The following SPAG16 variants were observed in gnomAD, a reference collection of about 807,000 sequenced individuals.
The protein encoded by SPAG16 is sperm associated antigen 16.
In SPAG16, 86 loss-of-function variants were observed where a neutral mutation model predicts 80.4. The ratio of observed to expected loss-of-function variants is 1.07; its 90% confidence interval spans 0.90 to 1.28. The LOEUF is 1.28. Among genes scored for constraint, SPAG16 ranks in the 50% most tolerant of loss-of-function variants. SPAG16 has a pLI of 0.00. For synonymous variants in SPAG16, 294 were observed against 265.9 expected (o/e 1.11, Z -1.03); for missense variants, 870 against 765.3 (o/e 1.14, Z -1.61).
chr2:214,295,477 G>A (rs1694068602), intron 15 of SPAG16, among the ~76,000 whole-genome samples: 1 of 152,038 alleles, frequency 6.6e-6, no homozygotes, highest in African/African-American at 2.4e-5. Context: ...CCCTCCCTAA[G>A]CTCTCCTTAA....
At chr2:213,473,057 TTC>T (rs2073173958) in intron 9 of SPAG16, among the ~76,000 whole-genome samples, 1 of 152,214 alleles carries the variant, frequency 6.6e-6, no homozygotes, top group African/African-American at 2.4e-5. Context: ...GGGGCCATGA[TTC>T]TCTGTTTTTA....
chr2:214,109,432 G>A (rs796538104), intron 14 of SPAG16, among the ~76,000 whole-genome samples: 28 of 152,266 alleles, frequency 1.8e-4, no homozygotes, highest in African/African-American at 6.5e-4. Context: ...CCAGTAGAGT[G>A]AGAATCTTAA....
chr2:213,736,325 ACT>A (rs2125440613), intron 10 of SPAG16, among the ~76,000 whole-genome samples: 1 of 151,944 alleles, frequency 6.6e-6, no homozygotes, highest in South Asian at 2.1e-4. Context: ...ATGGAGTCTC[ACT>A]CTGTCACCCA....
chr2:214,386,345 G>A (rs1340658423), intron 15 of SPAG16, among the ~76,000 whole-genome samples: 1 of 152,082 alleles, frequency 6.6e-6, no homozygotes, highest in African/African-American at 2.4e-5. Flanking sequence ...GTCACAGTGA[G>A]CCAAGATCAC....
intron 10 of SPAG16, among the ~76,000 whole-genome samples, chr2:213,708,914 G>C (rs939970108): frequency 2.0e-5 from 3 of 152,210 alleles, no homozygotes; most frequent in Admixed American, 6.5e-5. Flanking sequence ...AGCAGAGTAA[G>C]ATCTTCATGT....
At chr2:213,608,186 T>C (rs2061328917) in intron 10 of SPAG16, among the ~76,000 whole-genome samples, 1 of 152,176 alleles carries the variant, frequency 6.6e-6, no homozygotes, top group South Asian at 2.1e-4. Context: ...ATTCTATTAT[T>C]ATTATACTTT....
At position 213,994,577 on chromosome 2, in the gene SPAG16, CTT is replaced by C. The variant is rs5838404; in HGVS notation, c.1401-19358_1401-19357del. 2.1e-3 allele frequency among the ~76,000 whole-genome samples: 294 copies of C among 139,032 alleles called. 1 individual carries two copies. The highest frequency in any genetic ancestry group is 3.8e-3 in the Middle Eastern group (1 of 264). 91.2% of individuals were successfully genotyped at this position (139,032 alleles called of 152,430 possible). A position where few individuals can be genotyped will look rare whatever the true frequency, so the allele number is the denominator to read the frequency against. ...CAGAGGGAGAAAATGATTTTCCATC[CTT>C]TTTTTTTTTTTTTTTACAACATTAG... On this transcript the variant is annotated intron_variant, in intron 12 of 15. Transcript: ENST00000331683.
chr2:214,033,760 G>A (rs908956187), intron 13 of SPAG16, among the ~76,000 whole-genome samples: 7 of 152,034 alleles, frequency 4.6e-5, no homozygotes, highest in African/African-American at 9.7e-5. Flanking sequence ...TGACTAAATT[G>A]TAGGCATGAT....
At chr2:214,184,897 T>C (rs1480527808) in intron 15 of SPAG16, among the ~76,000 whole-genome samples, 1 of 152,128 alleles carries the variant, frequency 6.6e-6, no homozygotes, top group African/African-American at 2.4e-5. Context: ...AAAATTTAAG[T>C]AGTTTAATGA....
chr2:214,146,379 T>G (rs1322263024), intron 14 of SPAG16, among the ~76,000 whole-genome samples: 1 of 152,210 alleles, frequency 6.6e-6, no homozygotes, highest in Non-Finnish European at 1.5e-5. Context: ...TAGAATATTC[T>G]AAGTATTGAT....
At chr2:213,471,421 A>G (rs1490006829) in intron 9 of SPAG16, among the ~76,000 whole-genome samples, 1 of 152,138 alleles carries the variant, frequency 6.6e-6, no homozygotes, top group African/African-American at 2.4e-5. Context: ...CCAGTTCATG[A>G]TAGGCAGTTC....
At chr2:213,654,454 T>C (rs1195321199) in intron 10 of SPAG16, among the ~76,000 whole-genome samples, 1 of 149,672 alleles carries the variant, frequency 6.7e-6, no homozygotes, top group Non-Finnish European at 1.5e-5. Flanking sequence ...CCCAGCACTT[T>C]GGGAGGCCAG....
At chr2:213,369,202 G>A (rs182334819) in intron 8 of SPAG16, among the ~76,000 whole-genome samples, 245 of 152,206 alleles carry the variant, frequency 1.6e-3, no homozygotes, top group African/African-American at 5.7e-3. Context: ...TATCTGTACA[G>A]CAGGAAATAC....
intron 10 of SPAG16, among the ~76,000 whole-genome samples, chr2:213,843,118 T>G (rs952937871): frequency 2.6e-5 from 4 of 152,122 alleles, no homozygotes; most frequent in African/African-American, 7.2e-5. Context: ...GACATCTTTT[T>G]TTTTTTTAAT....
At chr2:213,922,901 G>A (rs2078290092) in intron 11 of SPAG16, among the ~76,000 whole-genome samples, 1 of 152,148 alleles carries the variant, frequency 6.6e-6, no homozygotes, top group Admixed American at 6.5e-5. Flanking sequence ...CAGACAAGCT[G>A]TATTCTTGCC....
intron 9 of SPAG16, among the ~76,000 whole-genome samples, chr2:213,388,206 C>T (rs954599123): frequency 1.3e-5 from 2 of 152,194 alleles, no homozygotes; most frequent in African/African-American, 4.8e-5. Context: ...GCATCCTGTC[C>T]TGCAAATATC....
At chr2:213,981,743 A>G (rs1335157226) in intron 12 of SPAG16, among the ~76,000 whole-genome samples, 1 of 152,040 alleles carries the variant, frequency 6.6e-6, no homozygotes. Context: ...TATTATACAA[A>G]GCCACTGATA....
intron 13 of SPAG16, among the ~76,000 whole-genome samples, chr2:214,028,165 C>T (rs377394014): frequency 2.0e-5 from 3 of 151,790 alleles, no homozygotes; most frequent in African/African-American, 4.8e-5. Context: ...ATGCCTTTTC[C>T]GTATTTTCTG....
intron 10 of SPAG16, among the ~76,000 whole-genome samples, chr2:213,835,887 G>C (rs570396324): frequency 6.6e-6 from 1 of 152,212 alleles, no homozygotes; most frequent in African/African-American, 2.4e-5. Context: ...GGAAGTTTGG[G>C]CATGTATGTG....
Sources: allele counts gnomAD v4.1 joint callset (sites outside exome capture counted in the v4.1 genomes callset), GRCh38; gene constraint gnomAD v4.1.1; transcripts MANE v1.5; gene names NCBI Gene and HGNC (gene_info 2026-07-23, HGNC 2026-07-21).